Variants in OPCML observed in about 807,000 individuals in gnomAD.
OPCML encodes opioid binding protein/cell adhesion molecule like.
OPCML carries 13 observed loss-of-function variants against 37.8 expected under a neutral mutation model. The observed-to-expected ratio is 0.34, with a 90% confidence interval of 0.22 to 0.55. OPCML has a LOEUF of 0.55. Ranked by LOEUF, OPCML falls within the 20% of genes least tolerant of loss-of-function variation. OPCML has a pLI of 0.91. For synonymous variants in OPCML, 176 were observed against 168.8 expected (o/e 1.04, Z -0.33); for missense variants, 341 against 435.6 (o/e 0.78, Z 1.93).
At chr11:133,001,315 C>T (rs1946997593) in intron 1 of OPCML, among the ~76,000 whole-genome samples, 1 of 152,224 alleles carries the variant, frequency 6.6e-6, no homozygotes, top group Non-Finnish European at 1.5e-5. Flanking sequence ...CACACAGACA[C>T]ACCAATGCAT....
intron 1 of OPCML, among the ~76,000 whole-genome samples, chr11:133,519,637 T>C (rs1948359481): frequency 6.6e-6 from 1 of 152,216 alleles, no homozygotes; most frequent in African/African-American, 2.4e-5. Flanking sequence ...AACTCTCTTG[T>C]GTTTCTGCTC....
chr11:132,539,514 TGC>T (rs1396573768), intron 3 of OPCML, among the ~76,000 whole-genome samples: 2 of 147,296 alleles, frequency 1.4e-5, no homozygotes, highest in African/African-American at 5.4e-5. Flanking sequence ...AAAGACATGC[TGC>T]TGCTGCTGCT....
rs151314754 is a variant in OPCML, at chr11:132,823,536, G to C, written c.146+119390C>G. 8.8e-3 allele frequency among the ~76,000 whole-genome samples: 1,337 copies of C among 151,632 alleles called. 11 individuals are homozygous for C. The highest frequency in any genetic ancestry group is 0.015 in the Non-Finnish European group (1,018 of 67,950). Reference sequence around the variant, plus strand: ...CATCATCAATATACGCTTCTCTGTGGAACCATCCCTATCAGCATCCAAACA... The same window carrying C: ...CATCATCAATATACGCTTCTCTGTGCAACCATCCCTATCAGCATCCAAACA... On this transcript the variant is annotated intron_variant, in intron 2 of 7. Transcript: ENST00000524381.
rs887910214 is a variant in OPCML at position 132,432,975 on chromosome 11, G to A, written c.916+3111C>T. Among the ~76,000 whole-genome samples, 33 of 152,242 alleles carry A rather than the reference G, an allele frequency of 2.2e-4. 1 individual carries two copies. The highest frequency in any genetic ancestry group is 4.1e-4 in the African/African-American group (17 of 41,558). ...GTGTGAGTGCAGCAGTCAAAGGCGC[G>A]GAATGAGTGGATGCAGAATTGGGGA... is the stretch of plus-strand genomic sequence containing the variant. On this transcript the variant is annotated intron_variant, in intron 7 of 7. Transcript: ENST00000524381.
intron 1 of OPCML, among the ~76,000 whole-genome samples, chr11:133,314,020 G>C (rs1307378755): frequency 6.6e-6 from 1 of 151,664 alleles, no homozygotes; most frequent in Non-Finnish European, 1.5e-5. Flanking sequence ...CGGATCACGA[G>C]GTCAGGAGAT....
chr11:133,195,118 T>C (rs1047484976), intron 1 of OPCML, among the ~76,000 whole-genome samples: 27 of 152,214 alleles, frequency 1.8e-4, no homozygotes, highest in African/African-American at 6.3e-4. Flanking sequence ...TTGCATGTAG[T>C]AGGTGCTTAA....
intron 1 of OPCML, among the ~76,000 whole-genome samples, chr11:133,524,347 T>A (rs1277670216): frequency 6.6e-6 from 1 of 152,222 alleles, no homozygotes; most frequent in Non-Finnish European, 1.5e-5. Context: ...CATATGAACA[T>A]CAACCCGTTT....
At chr11:133,363,540 A>G (rs1010984737) in intron 1 of OPCML, among the ~76,000 whole-genome samples, 8 of 152,196 alleles carry the variant, frequency 5.3e-5, no homozygotes, top group African/African-American at 1.9e-4. Context: ...TATTGCTATA[A>G]TAGAGATTTC....
chr11:133,140,587 AAAGAAAG>A lies in OPCML; in HGVS notation c.62-197584_62-197578del, dbSNP rs1385649410. On this transcript the variant is annotated intron_variant, in intron 1 of 7. Coordinates refer to ENST00000524381, the MANE Select transcript of OPCML (RefSeq NM_001012393.5). ...AAGAAGAAGAAGAAGAAAGAAGAAA[AAAGAAAG>A]AAGAAAGAAGAAAGAGAAGAAGAGG... 3.8e-5 allele frequency among the ~76,000 whole-genome samples: 5 copies of A among 131,874 alleles called. No individual in the cohort carries two copies. In the South Asian group the frequency reaches 7.4e-4, roughly 20 times the overall value. 86.5% of individuals were successfully genotyped at this position (131,874 alleles called of 152,430 possible). A position where few individuals can be genotyped will look rare whatever the true frequency, so the allele number is the denominator to read the frequency against.
chr11:132,465,088 A>G (rs1255660047), intron 4 of OPCML, among the ~76,000 whole-genome samples: 1 of 152,156 alleles, frequency 6.6e-6, no homozygotes, highest in Non-Finnish European at 1.5e-5. Flanking sequence ...CATTCTTTTT[A>G]TGGGCTACAT....
At chr11:132,662,246 A>G (rs1010812806) in intron 2 of OPCML, among the ~76,000 whole-genome samples, 14 of 152,190 alleles carry the variant, frequency 9.2e-5, no homozygotes, top group Admixed American at 9.2e-4. Context: ...GTTCCCGGAT[A>G]CTGCGGCTCT....
At chr11:133,260,873 AT>A (rs112419646) in intron 1 of OPCML, among the ~76,000 whole-genome samples, 56,944 of 150,016 alleles carry the variant, frequency 0.38, 11,409 homozygotes, top group African/African-American at 0.52. Context: ...TAGTACATAG[AT>A]TTTTTTTTTT....
chr11:132,628,306 G>C (rs554968363), intron 3 of OPCML, among the ~76,000 whole-genome samples: 1 of 152,114 alleles, frequency 6.6e-6, no homozygotes, highest in Non-Finnish European at 1.5e-5. Flanking sequence ...TAGAAGAAAA[G>C]TATAATTGTA....
At chr11:133,011,073 G>A (rs141907233) in intron 1 of OPCML, among the ~76,000 whole-genome samples, 98 of 152,298 alleles carry the variant, frequency 6.4e-4, no homozygotes, top group African/African-American at 2.3e-3. Flanking sequence ...AGCAAGCCCG[G>A]CAAGAGTTCT....
intron 3 of OPCML, among the ~76,000 whole-genome samples, chr11:132,633,548 C>T (rs1178499935): frequency 3.3e-5 from 5 of 152,188 alleles, no homozygotes; most frequent in East Asian, 1.9e-4. Flanking sequence ...ACAGGAAGTG[C>T]GAGGAGGCCC....
At chr11:133,020,971 G>T (rs1485406467) in intron 1 of OPCML, among the ~76,000 whole-genome samples, 1 of 152,030 alleles carries the variant, frequency 6.6e-6, no homozygotes, top group East Asian at 1.9e-4. Context: ...ACTGATCAAT[G>T]CATATGACAA....
chr11:133,283,753 C>G (rs140766464), intron 1 of OPCML, among the ~76,000 whole-genome samples: 3 of 152,088 alleles, frequency 2.0e-5, no homozygotes, highest in Non-Finnish European at 4.4e-5. Context: ...GAATAGGCCC[C>G]GGTATATGAG....
intron 1 of OPCML, among the ~76,000 whole-genome samples, chr11:133,508,840 T>A (rs1428048924): frequency 6.6e-6 from 1 of 152,148 alleles, no homozygotes; most frequent in Non-Finnish European, 1.5e-5. Context: ...ACACTTGCTG[T>A]GCCTCACCTC....
intron 2 of OPCML, among the ~76,000 whole-genome samples, chr11:132,774,111 T>C (rs982217403): frequency 6.6e-5 from 10 of 152,288 alleles, no homozygotes; most frequent in Middle Eastern, 3.4e-3. Flanking sequence ...TTACCTATAG[T>C]CTGGCTCATT....
Sources: allele counts gnomAD v4.1 joint callset (sites outside exome capture counted in the v4.1 genomes callset), GRCh38; gene constraint gnomAD v4.1.1; transcripts MANE v1.5; gene names NCBI Gene and HGNC (gene_info 2026-07-23, HGNC 2026-07-21).